AZIN2: variants seen among roughly 807,000 people sequenced by gnomAD.
AZIN2 encodes antizyme inhibitor 2.
In AZIN2, 28 loss-of-function variants were observed where a neutral mutation model predicts 47.8. That is an observed-to-expected ratio of 0.59 (90% CI 0.43 to 0.80). The LOEUF (loss-of-function observed/expected upper bound fraction) is 0.80. Ranked by LOEUF, AZIN2 falls within the 30% of genes least tolerant of loss-of-function variation. The probability of loss-of-function intolerance (pLI) is 0.00; values close to 1 mark genes in which losing one functional copy is unlikely to be tolerated. For synonymous variants in AZIN2, 221 were observed against 239.4 expected (o/e 0.92, Z 0.71); for missense variants, 535 against 582.5 (o/e 0.92, Z 0.84).
intron 5 of AZIN2, among the ~76,000 whole-genome samples, chr1:33,091,641 G>A (rs1642562814): frequency 6.6e-6 from 1 of 152,102 alleles, no homozygotes; most frequent in Admixed American, 6.6e-5. Flanking sequence ...TGTTGTCAGG[G>A]CTACCATGAG....
At chr1:33,082,443 C>T (rs1262127789) in intron 4 of AZIN2, 89 bp downstream of exon 4, 2 of 865,232 alleles carry the variant, frequency 2.3e-6, no homozygotes, top group Non-Finnish European at 1.8e-6. Context: ...CTCATCTTAT[C>T]CTTTCGCTTA....
chr1:33,146,313 T>A, the AZIN2 span: 3 of 176,456 alleles, frequency 1.7e-5, no homozygotes, highest in East Asian at 4.9e-4. Flanking sequence ...TCCCAGTGCT[T>A]GGGTCCTAAT....
intron 10 of AZIN2, among the ~76,000 whole-genome samples, chr1:33,116,470 C>T (rs545670708): frequency 2.1e-4 from 32 of 152,284 alleles, no homozygotes; most frequent in Admixed American, 3.9e-4. Flanking sequence ...CCATTCATAT[C>T]CTTTTTCTCC....
chr1:33,088,079 C>T (rs1192316646), intron 5 of AZIN2, among the ~76,000 whole-genome samples: 1 of 152,138 alleles, frequency 6.6e-6, no homozygotes, highest in Non-Finnish European at 1.5e-5. Flanking sequence ...TCTTGTAAAC[C>T]CTCCTTCTTC....
the AZIN2 span, among the ~76,000 whole-genome samples, chr1:33,139,210 T>C: frequency 4.0e-4 from 61 of 152,226 alleles, no homozygotes; most frequent in Non-Finnish European, 7.9e-4. Context: ...GTCGGGGGAA[T>C]GATCAGTGAG....
At chr1:33,119,586 G>A (rs1000727109) in intron 11 of AZIN2, 1 of 176,422 alleles carries the variant, frequency 5.7e-6, no homozygotes, top group Admixed American at 5.4e-5. Context: ...AATGGGATAT[G>A]ATTTTATTTG....
intron 10 of AZIN2, among the ~76,000 whole-genome samples, chr1:33,109,163 T>TA (rs1644165583): frequency 6.6e-6 from 1 of 152,244 alleles, no homozygotes; most frequent in African/African-American, 2.4e-5. Context: ...AAGTATCTGT[T>TA]AAAGTCCTTT....
chr1:33,090,193 G>A, intron 5 of AZIN2, among the ~76,000 whole-genome samples: 1 of 152,228 alleles, frequency 6.6e-6, no homozygotes, highest in Non-Finnish European at 1.5e-5. Context: ...TACAAAGGCA[G>A]TTGAGAAGTT....
At chr1:33,147,337 T>A in the AZIN2 span, 4 of 1,614,052 alleles carry the variant, frequency 2.5e-6, no homozygotes, top group Non-Finnish European at 3.4e-6. The surrounding 1 kb of genome is among the most constrained non-coding windows in gnomAD (Gnocchi z 8.1). Flanking sequence ...CAAGCCTTGG[T>A]CATAGTCCAG....
intron 11 of AZIN2, 141 bp from the exon 12 acceptor site, chr1:33,119,903 G>C (rs996926170): frequency 8.5e-7 from 1 of 1,175,272 alleles, no homozygotes; most frequent in Non-Finnish European, 1.2e-6. Flanking sequence ...TTGGGGAGGG[G>C]TCAGCAGCCT....
At chr1:33,096,654 C>T in intron 8 of AZIN2, 53 bp from the exon 9 acceptor site, 1 of 1,599,402 alleles carries the variant, frequency 6.3e-7, no homozygotes, top group Non-Finnish European at 8.6e-7. Flanking sequence ...AAGTCTTCAG[C>T]ATAAAGCCCA....
At chr1:33,091,309 G>A (rs1204609546) in intron 5 of AZIN2, among the ~76,000 whole-genome samples, 3 of 152,100 alleles carry the variant, frequency 2.0e-5, no homozygotes, top group Non-Finnish European at 4.4e-5. Flanking sequence ...ATGTGATCTC[G>A]GCTCACTCCA....
At chr1:33,165,833 C>T in the AZIN2 span, 2 of 309,958 alleles carry the variant, frequency 6.5e-6, no homozygotes, top group Non-Finnish European at 1.2e-5. The surrounding 1 kb of genome is among the most constrained non-coding windows in gnomAD (Gnocchi z 4.0). Flanking sequence ...TCGACTTCCA[C>T]ATACACACTC....
intron 4 of AZIN2, chr1:33,083,689 G>A (rs1641543132): frequency 3.8e-6 from 2 of 519,504 alleles, no homozygotes; most frequent in Admixed American, 6.3e-5. Context: ...GGGAACAAAG[G>A]TTTGAAGGTG....
Position 33,093,268 on chromosome 1 carries a change from G to C in AZIN2, c.453-14G>C. ...AGGGTTTGTCCAGCAGAGGGGCACT[G>C]CGTGTCTCATCAGGATGGTTCTGTG... is the stretch of plus-strand genomic sequence containing the variant. On this transcript the variant is annotated splice_polypyrimidine_tract_variant and intron_variant, in intron 6 of 11. Coordinates refer to ENST00000294517, the MANE Select transcript of AZIN2 (RefSeq NM_052998.4). The C allele has an allele frequency of 6.2e-7, 1 of 1,613,682 alleles. No individual in the cohort carries two copies. Among genetic ancestry groups the C allele is most frequent in the Non-Finnish European group, 8.5e-7 (1 of 1,179,758 alleles).
Position 33,123,318 on chromosome 1 carries a change from A to C in AZIN2, c.*3136A>C, listed in dbSNP as rs1644829324. Among the ~76,000 whole-genome samples the C allele has an allele frequency of 6.6e-6, 1 of 152,258 alleles. No individual in the cohort carries two copies. The highest frequency in any genetic ancestry group is 6.5e-5 in the Admixed American group (1 of 15,288). The stretch of plus-strand genomic sequence containing the variant: ...ATAATGTGTTCCATAACACAAGGGC[A>C]ACTGTCAGCCCTTCTAGAATGTGAG... On this transcript the variant is annotated 3_prime_UTR_variant, in exon 12 of 12. Coordinates refer to ENST00000294517, the MANE Select transcript of AZIN2 (RefSeq NM_052998.4).
At chr1:33,153,657 G>C in the AZIN2 span, among the ~76,000 whole-genome samples, 1 of 152,276 alleles carries the variant, frequency 6.6e-6, no homozygotes, top group East Asian at 1.9e-4. Flanking sequence ...CCTTATGAGG[G>C]AGTTGAGAAG....
chr1:33,147,844 T>C, the AZIN2 span: 1 of 1,156,692 alleles, frequency 8.6e-7, no homozygotes, highest in Non-Finnish European at 1.2e-6. The surrounding 1 kb of genome is among the most constrained non-coding windows in gnomAD (Gnocchi z 8.1). Flanking sequence ...TGACCTGCTG[T>C]GTGACCTTGA....
chr1:33,127,393 T>C (rs554649468), downstream of AZIN2, among the ~76,000 whole-genome samples: 5 of 152,376 alleles, frequency 3.3e-5, no homozygotes, highest in South Asian at 1.0e-3. Context: ...GGACCGACTT[T>C]ACCAAACGGT....
Sources: gnomAD v4.1 joint callset for allele counts (sites outside exome capture counted in the v4.1 genomes callset) on GRCh38, gnomAD v4.1.1 for gene constraint, Gnocchi (gnomAD v3.1) non-coding constraint, MANE v1.5 for transcripts, NCBI Gene and HGNC (gene_info 2026-07-23, HGNC 2026-07-21) for gene names.